The following SEM1 variants were observed in gnomAD, a reference collection of about 807,000 sequenced individuals.
The protein encoded by SEM1 is SEM1 26S proteasome subunit, also known as 26S proteasome complex subunit SEM1.
SEM1 carries 3 observed loss-of-function variants against 12.7 expected under a neutral mutation model. The observed-to-expected ratio is 0.24, with a 90% CI of 0.11 to 0.61. The LOEUF is 0.61. SEM1 is among the 20% of genes least tolerant of loss of function. The pLI, the probability that SEM1 is intolerant of heterozygous loss-of-function variation, is 0.88. For synonymous variants in SEM1, 30 were observed against 27.8 expected (o/e 1.08, Z -0.25); for missense variants, 59 against 81.3 (o/e 0.73, Z 1.06).
At chr7:96,683,301 C>T (rs1789670406) in intron 2 of SEM1, among the ~76,000 whole-genome samples, 2 of 152,094 alleles carry the variant, frequency 1.3e-5, no homozygotes, top group Admixed American at 1.3e-4. Context: ...CATCACTAGT[C>T]ATTAGAGAAA....
chr7:96,545,603 G>A (rs1805081690), intron 2 of SEM1, among the ~76,000 whole-genome samples: 1 of 151,986 alleles, frequency 6.6e-6, no homozygotes, highest in African/African-American at 2.4e-5. Context: ...TGGCAAATAC[G>A]TTTATTCCTT....
intron 2 of SEM1, among the ~76,000 whole-genome samples, chr7:96,587,432 C>T (rs1279246109): frequency 6.6e-6 from 1 of 152,160 alleles, no homozygotes; most frequent in Non-Finnish European, 1.5e-5. Context: ...CCCCTGCATT[C>T]CACTATCTGC....
chr7:96,641,149 A>T (rs1808579764), intron 2 of SEM1, among the ~76,000 whole-genome samples: 1 of 151,654 alleles, frequency 6.6e-6, no homozygotes, highest in Non-Finnish European at 1.5e-5. Flanking sequence ...GCCGAAAAAA[A>T]ATAAAAAATA....
chr7:96,543,642 A>G (rs1428709282), intron 2 of SEM1, among the ~76,000 whole-genome samples: 1 of 152,006 alleles, frequency 6.6e-6, no homozygotes, highest in Non-Finnish European at 1.5e-5. Flanking sequence ...TATGTATCAT[A>G]GCATTAACCT....
At chr7:96,605,960 G>A (rs1230053338) in intron 2 of SEM1, among the ~76,000 whole-genome samples, 2 of 152,100 alleles carry the variant, frequency 1.3e-5, no homozygotes, top group Middle Eastern at 3.2e-3. Context: ...CTACCCTTCC[G>A]CTAGTCACTT....
intron 2 of SEM1, among the ~76,000 whole-genome samples, chr7:96,639,492 C>T (rs117625806): frequency 1.3e-3 from 192 of 152,032 alleles, no homozygotes; most frequent in Non-Finnish European, 2.3e-3. Flanking sequence ...AAAAGATAAT[C>T]TTTTCAATAC....
intron 2 of SEM1, among the ~76,000 whole-genome samples, chr7:96,552,728 A>G (rs1257943657): frequency 1.3e-5 from 2 of 152,116 alleles, no homozygotes; most frequent in Non-Finnish European, 2.9e-5. Context: ...GCTGGGTCAA[A>G]TGGTATTTAT....
chr7:96,560,754 A>G (rs1014525171), intron 2 of SEM1, among the ~76,000 whole-genome samples: 36 of 151,566 alleles, frequency 2.4e-4, no homozygotes, highest in African/African-American at 8.0e-4. Flanking sequence ...TGCTTCTTAT[A>G]TTTAAATTGT....
chr7:96,575,293 G>A (rs1426002431), intron 2 of SEM1, among the ~76,000 whole-genome samples: 1 of 152,172 alleles, frequency 6.6e-6, no homozygotes, highest in Non-Finnish European at 1.5e-5. Context: ...ATCACCAATG[G>A]AGGCTGCAGA....
At chr7:96,706,594 A>AG (rs1554437641) in intron 1 of SEM1, among the ~76,000 whole-genome samples, 11 of 123,524 alleles carry the variant, frequency 8.9e-5, no homozygotes, top group African/African-American at 2.8e-4. Context: ...AAAAAAAAAA[A>AG]AGAGAGAGAG....
At chr7:96,514,022 A>G (rs1451160154) in intron 2 of SEM1, among the ~76,000 whole-genome samples, 1 of 152,080 alleles carries the variant, frequency 6.6e-6, no homozygotes, top group Non-Finnish European at 1.5e-5. Context: ...ATTTTATTTT[A>G]TAGATTTATC....
At chr7:96,674,329 A>G (rs985012130) in intron 2 of SEM1, among the ~76,000 whole-genome samples, 18 of 152,084 alleles carry the variant, frequency 1.2e-4, no homozygotes, top group Non-Finnish European at 7.4e-5. Context: ...GTTTATACAT[A>G]TATTTTAATG....
intron 1 of SEM1, among the ~76,000 whole-genome samples, chr7:96,699,432 A>G (rs1243978472): frequency 6.6e-6 from 1 of 152,204 alleles, no homozygotes; most frequent in Non-Finnish European, 1.5e-5. Context: ...CACTGTCATA[A>G]GCAAAACAAA....
At chr7:96,654,353 A>G (rs533026418) in intron 2 of SEM1, among the ~76,000 whole-genome samples, 32 of 152,330 alleles carry the variant, frequency 2.1e-4, no homozygotes, top group African/African-American at 6.7e-4. Flanking sequence ...TAGTATAATC[A>G]AGGACTGGGA....
At chr7:96,676,032 T>C (rs955946715) in intron 2 of SEM1, among the ~76,000 whole-genome samples, 1 of 152,216 alleles carries the variant, frequency 6.6e-6, no homozygotes, top group African/African-American at 2.4e-5. Flanking sequence ...CTATGTAGGT[T>C]GTACTCTGTA....
intron 2 of SEM1, among the ~76,000 whole-genome samples, chr7:96,530,568 G>A (rs756601930): frequency 7.2e-5 from 11 of 152,176 alleles, no homozygotes; most frequent in Middle Eastern, 3.4e-3. Flanking sequence ...CATAGTAAAC[G>A]TCCCTCAGGT....
intron 2 of SEM1, among the ~76,000 whole-genome samples, chr7:96,681,035 G>C (rs1477862722): frequency 2.0e-5 from 3 of 152,054 alleles, no homozygotes; most frequent in African/African-American, 7.2e-5. Flanking sequence ...AGCATCCCAG[G>C]GAACAACTGG....
intron 2 of SEM1, among the ~76,000 whole-genome samples, chr7:96,601,102 T>G (rs868394029): frequency 9.2e-5 from 14 of 152,186 alleles, no homozygotes; most frequent in South Asian, 4.1e-4. Context: ...TGGGTTCTTT[T>G]GTTTGGCCCA....
chr7:96,570,198 CT>C (rs777955274), intron 2 of SEM1, among the ~76,000 whole-genome samples: 8,834 of 141,714 alleles, frequency 0.062, 802 homozygotes, highest in African/African-American at 0.21. Flanking sequence ...CATTTTTTGA[CT>C]TTTTTTTTTT....
Sources: allele counts gnomAD v4.1 joint callset (sites outside exome capture counted in the v4.1 genomes callset), GRCh38; gene constraint gnomAD v4.1.1; transcripts MANE v1.5; gene names NCBI Gene and HGNC (gene_info 2026-07-23, HGNC 2026-07-21).